The following PHLPP1 variants were observed in gnomAD, a reference collection of about 807,000 sequenced individuals.
The protein encoded by PHLPP1 is PH domain leucine-rich repeat-containing protein phosphatase 1.
Under a neutral mutation model 117.2 loss-of-function variants are expected in PHLPP1, and 42 were observed. The observed-to-expected ratio is 0.36, with a 90% confidence interval of 0.28 to 0.46. The LOEUF (loss-of-function observed/expected upper bound fraction) is 0.46. Ranked by LOEUF, PHLPP1 falls within the 20% of genes least tolerant of loss-of-function variation. The probability of loss-of-function intolerance (pLI) is 1.00; values close to 1 mark genes in which losing one functional copy is unlikely to be tolerated. For synonymous variants in PHLPP1, 1,042 were observed against 970.7 expected (o/e 1.07, Z -1.37); for missense variants, 2,084 against 2,241.9 (o/e 0.93, Z 1.42).
At chr18:62,795,447 C>T (rs763717402) in intron 1 of PHLPP1, among the ~76,000 whole-genome samples, 2 of 141,522 alleles carry the variant, frequency 1.4e-5, no homozygotes, top group Non-Finnish European at 3.0e-5. Flanking sequence ...AAGCTGAGAT[C>T]ACACCACTGC....
At chr18:62,857,589 C>G (rs1001606274) in intron 3 of PHLPP1, among the ~76,000 whole-genome samples, 5 of 152,112 alleles carry the variant, frequency 3.3e-5, no homozygotes. Flanking sequence ...TGCAGTTCCC[C>G]TTAGGATCAT....
At chr18:62,898,713 T>C (rs914370743) in intron 6 of PHLPP1, among the ~76,000 whole-genome samples, 1 of 152,212 alleles carries the variant, frequency 6.6e-6, no homozygotes, top group Admixed American at 6.5e-5. Context: ...TATAATGATT[T>C]GACATTGCCA....
chr18:62,731,566 A>G (rs1568096768), intron 1 of PHLPP1, among the ~76,000 whole-genome samples: 5 of 152,264 alleles, frequency 3.3e-5, no homozygotes, highest in African/African-American at 9.6e-5. Flanking sequence ...TAGTAACCCT[A>G]TAAAGGCCTA....
At position 62,980,365 on chromosome 18, in the gene PHLPP1, A is replaced by G. The variant is rs1417121904; in HGVS notation, c.*934A>G. On this transcript the variant is annotated 3_prime_UTR_variant, in exon 17 of 17. Transcript: ENST00000262719. ...TTAGGCCATTTACATACCCAGAGTT[A>G]TACTCAAGCAGAATGCACAAATGGA... is the stretch of plus-strand genomic sequence containing the variant. 1 of 152,632 alleles carries G rather than the reference A, an allele frequency of 6.6e-6. No homozygotes were observed. The highest frequency in any genetic ancestry group is 1.5e-5 in the Non-Finnish European group (1 of 68,046). The allele number at this position is 152,632 out of a possible 1,614,324, so 9.5% of individuals were successfully genotyped here.
chr18:62,900,805 A>G (rs1417349858), intron 6 of PHLPP1, among the ~76,000 whole-genome samples: 1 of 152,216 alleles, frequency 6.6e-6, no homozygotes, highest in African/African-American at 2.4e-5. Flanking sequence ...TTTTCACCAC[A>G]AAAGTGAAAT....
intron 12 of PHLPP1, among the ~76,000 whole-genome samples, chr18:62,954,878 T>C (rs1052933512): frequency 6.6e-6 from 1 of 152,194 alleles, no homozygotes; most frequent in Non-Finnish European, 1.5e-5. Context: ...AGAAAATGAT[T>C]GTCATGTGCC....
intron 1 of PHLPP1, among the ~76,000 whole-genome samples, chr18:62,814,376 A>T (rs1914205968): frequency 6.6e-6 from 1 of 152,192 alleles, no homozygotes; most frequent in Non-Finnish European, 1.5e-5. Flanking sequence ...CTTAGCTCTG[A>T]GACAGAATTC....
chr18:62,863,719 G>A (rs1195624920), intron 4 of PHLPP1, among the ~76,000 whole-genome samples: 2 of 152,196 alleles, frequency 1.3e-5, no homozygotes, highest in East Asian at 1.9e-4. Flanking sequence ...CATACAATGA[G>A]CCGTGAGACA....
chr18:62,811,228 G>A (rs150290181), intron 1 of PHLPP1, among the ~76,000 whole-genome samples: 334 of 152,222 alleles, frequency 2.2e-3, no homozygotes, highest in African/African-American at 7.8e-3. Context: ...CATTAAATAG[G>A]GATCTGGAGT....
chr18:62,972,695 A>G lies in PHLPP1; in HGVS notation c.3742A>G (p.Ile1248Val), dbSNP rs868385391. The G allele has an allele frequency of 8.1e-6, 13 of 1,611,822 alleles. 1 individual carries two copies. The highest frequency in any genetic ancestry group is 1.7e-4 in the Middle Eastern group (1 of 6,060). ...AGAAGAATACATGGTCAATACATTC[A>G]TTGTCATGCAAAGGTAAAACTCAGA... Reference protein sequence around the residue: ...NEEEYMVNTFIVMQRKLGTAG... With the variant: ...NEEEYMVNTFVVMQRKLGTAG... Residue 1248 changes from isoleucine (I) to valine (V), a missense_variant, in exon 15 of 17, where the codon ATT becomes GTT. By Grantham distance (29) the Ile-to-Val change is conservative (BLOSUM62 3). This residue lies in a region of PHLPP1 where 1,365 missense variants were observed against 1,605.9 expected (regional missense o/e 0.85). Transcript: ENST00000262719.
intron 1 of PHLPP1, chr18:62,825,601 C>T: frequency 6.6e-6 from 1 of 151,726 alleles, no homozygotes; most frequent in Non-Finnish European, 1.5e-5. Context: ...GCTGGGACTA[C>T]AGGTGCCTGC....
chr18:62,807,704 G>A (rs141679195), intron 1 of PHLPP1, among the ~76,000 whole-genome samples: 3 of 152,264 alleles, frequency 2.0e-5, no homozygotes, highest in African/African-American at 7.2e-5. Context: ...AATATTGTAG[G>A]CAGTTGTAAC....
intron 1 of PHLPP1, among the ~76,000 whole-genome samples, chr18:62,722,720 C>T (rs1910959934): frequency 6.6e-6 from 1 of 152,182 alleles, no homozygotes; most frequent in Admixed American, 6.5e-5. Context: ...TAACCTAAGG[C>T]TGTATGACTG....
At chr18:62,766,096 T>A (rs1179976843) in intron 1 of PHLPP1, among the ~76,000 whole-genome samples, 1 of 81,500 alleles carries the variant, frequency 1.2e-5, no homozygotes, top group Non-Finnish European at 2.6e-5. Flanking sequence ...TATATATATA[T>A]ATATATAAAA....
At chr18:62,859,213 C>T (rs1459712804) in intron 3 of PHLPP1, among the ~76,000 whole-genome samples, 1 of 152,176 alleles carries the variant, frequency 6.6e-6, no homozygotes, top group Non-Finnish European at 1.5e-5. Flanking sequence ...CTCCCATTGC[C>T]TCTGTGAGGA....
intron 1 of PHLPP1, among the ~76,000 whole-genome samples, chr18:62,798,657 A>G (rs1046447477): frequency 6.6e-6 from 1 of 152,190 alleles, no homozygotes; most frequent in Non-Finnish European, 1.5e-5. Flanking sequence ...CTCCTATGCA[A>G]AAATGAACCT....
intron 4 of PHLPP1, among the ~76,000 whole-genome samples, chr18:62,876,946 G>A (rs1264800356): frequency 6.6e-6 from 1 of 152,204 alleles, no homozygotes; most frequent in East Asian, 1.9e-4. Context: ...AGATGGAGGG[G>A]CAGGTCCTCT....
intron 3 of PHLPP1, among the ~76,000 whole-genome samples, chr18:62,850,042 C>A (rs868364084): frequency 6.2e-4 from 92 of 149,032 alleles, no homozygotes; most frequent in African/African-American, 2.1e-3. Flanking sequence ...CATACTGAAC[C>A]TTGTATATTA....
At chr18:62,893,272 T>TGA (rs1408564401) in intron 4 of PHLPP1, among the ~76,000 whole-genome samples, 11 of 152,192 alleles carry the variant, frequency 7.2e-5, no homozygotes, top group Non-Finnish European at 1.5e-4. Context: ...CTTGAACTCC[T>TGA]GACCTCAGGT....
Sources: allele counts gnomAD v4.1 joint callset (sites outside exome capture counted in the v4.1 genomes callset), GRCh38; gene constraint gnomAD v4.1.1; regional missense constraint gnomAD v4.1.1; transcripts MANE v1.5; gene names NCBI Gene and HGNC (gene_info 2026-07-23, HGNC 2026-07-21).